IGFL4: variants seen among roughly 807,000 people sequenced by gnomAD.
The protein encoded by IGFL4 is insulin growth factor-like family member 4.
IGFL4 carries 12 observed loss-of-function variants against 15.4 expected under a neutral mutation model. That is an observed-to-expected ratio of 0.78 (90% CI 0.50 to 1.26). The LOEUF is 1.26. Among genes scored for constraint, IGFL4 ranks in the 50% most tolerant of loss-of-function variants. IGFL4 has a pLI of 0.00. For missense variants in IGFL4, 126 were observed against 147.8 expected, an observed-to-expected ratio of 0.85 and a Z score of 0.76; for synonymous variants, 54 against 55.9, an observed-to-expected ratio of 0.97 and a Z score of 0.16.
chr19:46,043,466 G>A (rs1202153976), upstream of IGFL4, among the ~76,000 whole-genome samples: 1 of 152,148 alleles, frequency 6.6e-6, no homozygotes, highest in Non-Finnish European at 1.5e-5. Context: ...TATCTGGAAA[G>A]GCAGTGGAAA....
chr19:46,051,099 C>G (rs1466212201), intron 2 of IGFL4, among the ~76,000 whole-genome samples: 1 of 152,184 alleles, frequency 6.6e-6, no homozygotes, highest in East Asian at 1.9e-4. Flanking sequence ...AAGATACAGT[C>G]TTTTTCAGGC....
At chr19:46,064,012 C>T (rs572334642) in intron 1 of IGFL4, among the ~76,000 whole-genome samples, 1 of 150,258 alleles carries the variant, frequency 6.7e-6, no homozygotes, top group East Asian at 2.0e-4. Context: ...GCGGAAGTTG[C>T]AGTGAGCCAA....
chr19:46,056,007 C>T (rs1376592868), intron 2 of IGFL4, among the ~76,000 whole-genome samples: 1 of 152,160 alleles, frequency 6.6e-6, no homozygotes, highest in Non-Finnish European at 1.5e-5. Context: ...AAACTCCTGA[C>T]CTCAAGTGAT....
At chr19:46,051,179 C>G (rs1281637961) in intron 2 of IGFL4, among the ~76,000 whole-genome samples, 1 of 152,174 alleles carries the variant, frequency 6.6e-6, no homozygotes, top group Non-Finnish European at 1.5e-5. Flanking sequence ...AGGTCTAAAT[C>G]TTGAAACAAA....
At chr19:46,053,371 C>A (rs541907664) in intron 2 of IGFL4, among the ~76,000 whole-genome samples, 2 of 152,238 alleles carry the variant, frequency 1.3e-5, no homozygotes, top group South Asian at 4.1e-4. Context: ...CCCACCACCA[C>A]GCCTGGCTAA....
chr19:46,043,151 A>G (rs1969263242), upstream of IGFL4, among the ~76,000 whole-genome samples: 2 of 152,204 alleles, frequency 1.3e-5, no homozygotes, highest in African/African-American at 2.4e-5. Context: ...TCCTGGAATA[A>G]GTGGAAACAA....
At chr19:46,071,913 C>T (rs1969550301) in intron 1 of IGFL4, among the ~76,000 whole-genome samples, 1 of 152,148 alleles carries the variant, frequency 6.6e-6, no homozygotes, top group African/African-American at 2.4e-5. Context: ...GTCCCAGCTA[C>T]TCGGGAGTCT....
At chr19:46,068,234 A>C (rs375623781) in intron 1 of IGFL4, among the ~76,000 whole-genome samples, 1 of 152,286 alleles carries the variant, frequency 6.6e-6, no homozygotes, top group East Asian at 1.9e-4. Flanking sequence ...CAATCTCTTT[A>C]TCTCTCCAGA....
intron 1 of IGFL4, among the ~76,000 whole-genome samples, chr19:46,070,576 C>T (rs1433519331): frequency 6.6e-6 from 1 of 151,998 alleles, no homozygotes; most frequent in Non-Finnish European, 1.5e-5. Flanking sequence ...GCTGACTTAA[C>T]TACCCATCAC....
chr19:46,044,163 C>T (rs1969275040), upstream of IGFL4, among the ~76,000 whole-genome samples: 1 of 152,168 alleles, frequency 6.6e-6, no homozygotes, highest in Admixed American at 6.5e-5. Flanking sequence ...ATGCTTCTCC[C>T]ATGGATATTT....
In IGFL4 at chr19:46,055,965, C is replaced by G. The variant is rs1397143237; in HGVS notation, c.-323+4220G>C. ...CTAATTTTTGTATTTTTAGTAGAGA[C>G]AGGGTTTCACCATGTTGGCCAGGCT... On this transcript the variant is annotated intron_variant, in intron 2 of 5. Coordinates refer to the IGFL4 transcript ENST00000601672. Among the ~76,000 whole-genome samples the G allele has an allele frequency of 2.0e-5, 3 of 152,196 alleles. No individual in the cohort carries two copies. In the East Asian group the frequency reaches 5.8e-4, roughly 29 times the overall value.
chr19:46,049,778 T>C (rs1388244127), intron 2 of IGFL4, among the ~76,000 whole-genome samples: 1 of 152,132 alleles, frequency 6.6e-6, no homozygotes, highest in East Asian at 1.9e-4. Flanking sequence ...AAGGTGACCC[T>C]AGGGCAAGTT....
At chr19:46,058,507 C>T (rs1339577864) in intron 2 of IGFL4, 4 of 152,370 alleles carry the variant, frequency 2.6e-5, no homozygotes, top group Admixed American at 1.3e-4. Flanking sequence ...CGCTGGCCCT[C>T]TCCTCACAGC....
Position 46,039,667 on chromosome 19 carries a change from G to T in IGFL4, c.*225C>A, listed in dbSNP as rs547195498. On this transcript the variant is annotated 3_prime_UTR_variant, in exon 4 of 4. Coordinates refer to ENST00000377697, the MANE Select transcript of IGFL4 (RefSeq NM_001002923.3). ...CTCTGTGAAGCAATTGTGAATGGGA[G>T]TTCACTCATGATTTGGCTCTCTGTT... 25 of 430,070 alleles carry T rather than the reference G, an allele frequency of 5.8e-5. No homozygotes were observed. In the Admixed American group the frequency reaches 8.0e-4, roughly 14 times the overall value. The allele number at this position is 430,070 out of a possible 1,614,324, so 26.6% of individuals were successfully genotyped here. A position where few individuals can be genotyped will look rare whatever the true frequency, so the allele number is the denominator to read the frequency against.
intron 1 of IGFL4, among the ~76,000 whole-genome samples, chr19:46,065,384 G>A (rs961070940): frequency 6.6e-6 from 1 of 152,070 alleles, no homozygotes; most frequent in African/African-American, 2.4e-5. Flanking sequence ...GTGCAGCGGC[G>A]TGATCTCACT....
intron 1 of IGFL4, among the ~76,000 whole-genome samples, chr19:46,073,646 A>C (rs1231163717): frequency 1.3e-5 from 2 of 151,938 alleles, no homozygotes; most frequent in Admixed American, 6.6e-5. Context: ...GAGTAACAGC[A>C]CTCTTCCACC....
intron 2 of IGFL4, chr19:46,057,913 C>G (rs1969408453): frequency 6.6e-6 from 1 of 152,128 alleles, no homozygotes. Context: ...CCACTGCATC[C>G]CTCCCATGAC....
At chr19:46,067,344 A>G (rs1394424683) in intron 1 of IGFL4, among the ~76,000 whole-genome samples, 1 of 152,058 alleles carries the variant, frequency 6.6e-6, no homozygotes, top group African/African-American at 2.4e-5. Context: ...CCACCCATCC[A>G]GGAAGCTCAC....
chr19:46,060,514 C>T (rs1969434743), intron 1 of IGFL4, among the ~76,000 whole-genome samples: 1 of 152,126 alleles, frequency 6.6e-6, no homozygotes, highest in South Asian at 2.1e-4. Context: ...CTGCTAGAGT[C>T]CTATAGCTGA....
Sources: allele counts gnomAD v4.1 joint callset (sites outside exome capture counted in the v4.1 genomes callset), GRCh38; gene constraint gnomAD v4.1.1; transcripts MANE v1.5; gene names NCBI Gene and HGNC (gene_info 2026-07-23, HGNC 2026-07-21).